Variants in DOCK2 observed in about 807,000 individuals in gnomAD.
DOCK2 encodes the protein dedicator of cytokinesis 2.
Under a neutral mutation model 248.9 loss-of-function variants are expected in DOCK2, and 87 were observed. The observed-to-expected ratio is 0.35, with a 90% CI of 0.29 to 0.42. The LOEUF (loss-of-function observed/expected upper bound fraction) is 0.42. DOCK2 is among the 10% of genes least tolerant of loss of function. The probability of loss-of-function intolerance (pLI) is 1.00; values close to 1 mark genes in which losing one functional copy is unlikely to be tolerated. For missense variants in DOCK2, 1,747 were observed against 2,300.2 expected (o/e 0.76, Z 4.92); for synonymous variants, 805 against 821.6 (o/e 0.98, Z 0.35).
intron 9 of DOCK2, 60 bp from the exon 10 acceptor site, chr5:169,695,743 G>C: frequency 6.2e-7 from 1 of 1,601,640 alleles, no homozygotes. Context: ...GGGTTTTCTT[G>C]TCTACCTTTT....
intron 25 of DOCK2, among the ~76,000 whole-genome samples, chr5:169,776,230 A>G (rs1765379915): frequency 1.3e-5 from 2 of 150,730 alleles, no homozygotes; most frequent in Non-Finnish European, 2.9e-5. Context: ...TGGCATGATC[A>G]TAGCTCACTG....
chr5:170,007,393 G>A (rs934997423), intron 30 of DOCK2, among the ~76,000 whole-genome samples: 6 of 152,118 alleles, frequency 3.9e-5, no homozygotes, highest in Admixed American at 3.3e-4. Context: ...ACTGGCTTTC[G>A]TACCAAAGAA....
At chr5:170,081,770 C>CGGGG in intron 50 of DOCK2, 72 bp from the exon 51 acceptor site, 1 of 1,370,330 alleles carries the variant, frequency 7.3e-7, no homozygotes, top group Non-Finnish European at 9.7e-7. Flanking sequence ...AGCCCTCCCC[C>CGGGG]TGTCTACCTC....
intron 27 of DOCK2, among the ~76,000 whole-genome samples, chr5:169,842,832 A>G (rs554186586): frequency 1.3e-5 from 2 of 152,264 alleles, no homozygotes; most frequent in Non-Finnish European, 2.9e-5. Flanking sequence ...CATTATCAAC[A>G]TAGGCAAGTA....
At chr5:169,828,286 C>T (rs958534716) in intron 26 of DOCK2, among the ~76,000 whole-genome samples, 3 of 152,118 alleles carry the variant, frequency 2.0e-5, no homozygotes, top group African/African-American at 7.2e-5. Flanking sequence ...TTAAAACCTC[C>T]CTTTGCTAGT....
intron 26 of DOCK2, among the ~76,000 whole-genome samples, chr5:169,831,174 A>G (rs1383531230): frequency 6.6e-6 from 1 of 151,406 alleles, no homozygotes; most frequent in Non-Finnish European, 1.5e-5. Context: ...ATGGTTTGCC[A>G]TGCATTTTTT....
intron 26 of DOCK2, among the ~76,000 whole-genome samples, chr5:169,826,684 G>C (rs142217186): frequency 3.3e-5 from 5 of 152,302 alleles, no homozygotes; most frequent in African/African-American, 1.2e-4. Flanking sequence ...GAATATATAA[G>C]AGTTAGTTAT....
chr5:169,666,933 C>T (rs1211382046), intron 2 of DOCK2, among the ~76,000 whole-genome samples: 1 of 152,132 alleles, frequency 6.6e-6, no homozygotes, highest in Non-Finnish European at 1.5e-5. Flanking sequence ...ACCTGGGAGC[C>T]AGAATAAGAA....
chr5:169,657,294 G>T (rs1561573899), intron 2 of DOCK2, among the ~76,000 whole-genome samples: 1 of 149,816 alleles, frequency 6.7e-6, no homozygotes, highest in African/African-American at 2.5e-5. Context: ...GATTCTGATT[G>T]AAAAAAAAAG....
At chr5:169,804,448 G>A (rs890782953) in intron 26 of DOCK2, among the ~76,000 whole-genome samples, 5 of 65,140 alleles carry the variant, frequency 7.7e-5, no homozygotes, top group African/African-American at 1.9e-4. Context: ...GTGTGTGTGT[G>A]TGTGTGTGTG....
intron 32 of DOCK2, among the ~76,000 whole-genome samples, chr5:170,015,388 C>A (rs907181417): frequency 1.3e-5 from 2 of 152,094 alleles, no homozygotes; most frequent in East Asian, 3.9e-4. Context: ...CTGTCAGACT[C>A]GAAGACTCTA....
At chr5:169,909,134 A>C (rs1222421810) in intron 27 of DOCK2, among the ~76,000 whole-genome samples, 1 of 152,160 alleles carries the variant, frequency 6.6e-6, no homozygotes, top group African/African-American at 2.4e-5. Context: ...CTGTGCCTCC[A>C]TTTCTAAAGC....
At chr5:169,913,948 A>C (rs1459234956) in intron 27 of DOCK2, among the ~76,000 whole-genome samples, 1 of 152,238 alleles carries the variant, frequency 6.6e-6, no homozygotes, top group Non-Finnish European at 1.5e-5. Flanking sequence ...CCATTTCTAC[A>C]GATGAAGAAA....
intron 32 of DOCK2, among the ~76,000 whole-genome samples, chr5:170,010,366 T>G (rs1177280166): frequency 3.3e-5 from 5 of 152,170 alleles, no homozygotes; most frequent in Admixed American, 2.0e-4. Flanking sequence ...ATAATTGACG[T>G]TTCATTTACC....
At chr5:169,824,866 T>C (rs1339919313) in intron 26 of DOCK2, among the ~76,000 whole-genome samples, 2 of 152,230 alleles carry the variant, frequency 1.3e-5, no homozygotes, top group East Asian at 3.9e-4. Context: ...ATTTTTGCAA[T>C]CTACTCATCT....
At chr5:169,782,018 A>T (rs1436817658) in intron 25 of DOCK2, among the ~76,000 whole-genome samples, 1 of 152,036 alleles carries the variant, frequency 6.6e-6, no homozygotes, top group Admixed American at 6.6e-5. Context: ...TTTAAAATCA[A>T]TTACAATCCA....
intron 21 of DOCK2, among the ~76,000 whole-genome samples, chr5:169,718,396 T>C (rs1009670443): frequency 8.5e-5 from 13 of 152,250 alleles, no homozygotes; most frequent in Admixed American, 7.9e-4. Context: ...TGTAGCCTGA[T>C]TGTGACTAGT....
chr5:169,651,058 G>A (rs773182922), intron 1 of DOCK2, among the ~76,000 whole-genome samples: 1 of 152,124 alleles, frequency 6.6e-6, no homozygotes, highest in Non-Finnish European at 1.5e-5. Flanking sequence ...AGTTGAGAGT[G>A]GTTAGGCCCA....
intron 5 of DOCK2, among the ~76,000 whole-genome samples, chr5:169,672,387 T>A (rs1759096797): frequency 6.6e-6 from 1 of 152,164 alleles, no homozygotes; most frequent in Admixed American, 6.5e-5. Context: ...TGAATAGCAG[T>A]AAGTCCATTT....
Sources: gnomAD v4.1 joint callset for allele counts (sites outside exome capture counted in the v4.1 genomes callset) on GRCh38, gnomAD v4.1.1 for gene constraint, MANE v1.5 for transcripts, NCBI Gene and HGNC (gene_info 2026-07-23, HGNC 2026-07-21) for gene names.